Variants in NTM observed in about 807,000 individuals in gnomAD.
The protein encoded by NTM is IgLON family member 2.
NTM carries 13 observed loss-of-function variants against 42.1 expected under a neutral mutation model. That is an observed-to-expected ratio of 0.31 (90% CI 0.20 to 0.49). NTM has a LOEUF of 0.49. Ranked by LOEUF, NTM falls within the 20% of genes least tolerant of loss-of-function variation. The pLI is 0.99. For synonymous variants in NTM, 187 were observed against 179.2 expected (o/e 1.04, Z -0.35); for missense variants, 373 against 452.8 (o/e 0.82, Z 1.60).
chr11:131,952,883 T>G (rs751347970), intron 2 of NTM, among the ~76,000 whole-genome samples: 1 of 152,202 alleles, frequency 6.6e-6, no homozygotes, highest in Non-Finnish European at 1.5e-5. Flanking sequence ...TCTATCATGA[T>G]AGGCCTTGAT....
At chr11:131,379,678 A>G (rs1025056705) in intron 1 of NTM, among the ~76,000 whole-genome samples, 11 of 152,340 alleles carry the variant, frequency 7.2e-5, no homozygotes, top group Middle Eastern at 3.4e-3. Context: ...ACCTAATTCT[A>G]CTACCCACAG....
intron 4 of NTM, among the ~76,000 whole-genome samples, chr11:132,242,026 A>G (rs193098636): frequency 1.3e-5 from 2 of 152,298 alleles, no homozygotes; most frequent in Admixed American, 6.5e-5. Flanking sequence ...CCTTTGCTCA[A>G]TTGTACTTTG....
chr11:132,277,304 C>A (rs924175295), intron 4 of NTM, among the ~76,000 whole-genome samples: 1 of 152,020 alleles, frequency 6.6e-6, no homozygotes, highest in Non-Finnish European at 1.5e-5. Context: ...AATGACTTTG[C>A]CTTGACTGGA....
At position 132,095,003 on chromosome 11, in the gene NTM, G is replaced by A. The variant is rs564348900; in HGVS notation, c.168-51279G>A. ...CTGTAGTGACAGCTCCATCATTGCA[G>A]GGAGAGGACAAACAGAGATGGAGAC... On this transcript the variant is annotated intron_variant, in intron 2 of 8. Transcript: ENST00000683400. 1.4e-4 allele frequency among the ~76,000 whole-genome samples: 21 copies of A among 152,328 alleles called. 1 individual carries two copies. In the South Asian group the frequency reaches 4.1e-3, roughly 30 times the overall value.
chr11:131,977,325 C>T (rs982764989), intron 2 of NTM, among the ~76,000 whole-genome samples: 2 of 152,244 alleles, frequency 1.3e-5, no homozygotes, highest in African/African-American at 4.8e-5. Flanking sequence ...CCAAATTTCC[C>T]AAGAGCGTCT....
chr11:131,398,402 T>C (rs1017722177), intron 1 of NTM, among the ~76,000 whole-genome samples: 2 of 152,200 alleles, frequency 1.3e-5, no homozygotes, highest in African/African-American at 4.8e-5. Context: ...ATTTAATGTA[T>C]TTTTTTCTAA....
intron 2 of NTM, among the ~76,000 whole-genome samples, chr11:131,918,743 C>T (rs1211195164): frequency 6.6e-6 from 1 of 152,078 alleles, no homozygotes; most frequent in Non-Finnish European, 1.5e-5. Context: ...CACAGGAATC[C>T]CCTCTCCTGA....
At chr11:131,946,015 G>C (rs1348524165) in intron 2 of NTM, among the ~76,000 whole-genome samples, 1 of 152,138 alleles carries the variant, frequency 6.6e-6, no homozygotes, top group East Asian at 1.9e-4. Flanking sequence ...TAATGAACTG[G>C]GGTTAGTTAC....
At chr11:131,773,260 A>G (rs1170872881) in intron 1 of NTM, among the ~76,000 whole-genome samples, 1 of 152,142 alleles carries the variant, frequency 6.6e-6, no homozygotes, top group East Asian at 1.9e-4. Context: ...GGGGCAAAAA[A>G]GGGCCAAGCA....
At chr11:132,081,956 A>G (rs1197888871) in intron 2 of NTM, among the ~76,000 whole-genome samples, 1 of 148,156 alleles carries the variant, frequency 6.7e-6, no homozygotes, top group East Asian at 1.9e-4. Flanking sequence ...ATTTATATAT[A>G]TATATATAGT....
Position 131,710,247 on chromosome 11 carries a change from C to T in NTM, c.83-201317C>T, listed in dbSNP as rs150733702. Among the ~76,000 whole-genome samples the T allele has an allele frequency of 8.9e-3, 1,362 of 152,266 alleles. 24 individuals are homozygous for T. Among genetic ancestry groups the T allele is most frequent in the African/African-American group, 0.027 (1,114 of 41,562 alleles). The stretch of plus-strand genomic sequence containing the variant: ...GCTTTCCCTAGATCACTCTTGTCAG[C>T]GTACAAATATTCTACAATTTCTCTT... On this transcript the variant is annotated intron_variant, in intron 1 of 8. Coordinates refer to ENST00000683400, the MANE Select transcript of NTM (RefSeq NM_001352005.2).
chr11:131,639,591 AC>A (rs1440358669), intron 1 of NTM, among the ~76,000 whole-genome samples: 1 of 152,152 alleles, frequency 6.6e-6, no homozygotes, highest in African/African-American at 2.4e-5. Context: ...CTGAAGCACA[AC>A]CGTTGCCTCT....
At chr11:132,041,152 C>T (rs1299230371) in intron 2 of NTM, among the ~76,000 whole-genome samples, 1 of 151,796 alleles carries the variant, frequency 6.6e-6, no homozygotes, top group Non-Finnish European at 1.5e-5. Flanking sequence ...ACACGTATCA[C>T]CTGTACCTTT....
At chr11:131,521,139 A>G (rs2049600674) in intron 1 of NTM, among the ~76,000 whole-genome samples, 1 of 151,770 alleles carries the variant, frequency 6.6e-6, no homozygotes, top group Non-Finnish European at 1.5e-5. Flanking sequence ...CCTGGCCAAT[A>G]TGGTGAAACC....
At chr11:132,133,941 T>C (rs1395021668) in intron 2 of NTM, among the ~76,000 whole-genome samples, 2 of 152,222 alleles carry the variant, frequency 1.3e-5, no homozygotes, top group South Asian at 2.1e-4. Flanking sequence ...CTCGGTGTTC[T>C]CTCTCTGCTC....
intron 1 of NTM, among the ~76,000 whole-genome samples, chr11:131,702,753 G>A (rs921900669): frequency 1.3e-5 from 2 of 152,186 alleles, no homozygotes; most frequent in African/African-American, 4.8e-5. Flanking sequence ...AGAGAATAAT[G>A]TTGATTTTTA....
intron 2 of NTM, among the ~76,000 whole-genome samples, chr11:132,077,518 C>A (rs2058519263): frequency 6.6e-6 from 1 of 152,110 alleles, no homozygotes; most frequent in Non-Finnish European, 1.5e-5. Flanking sequence ...CCCCCACTAT[C>A]TAACCCCCAT....
intron 4 of NTM, among the ~76,000 whole-genome samples, chr11:132,297,385 C>T (rs2094651691): frequency 6.6e-6 from 1 of 152,164 alleles, no homozygotes; most frequent in African/African-American, 2.4e-5. Flanking sequence ...GAGGATGCTG[C>T]TTGCAAAGGG....
intron 2 of NTM, among the ~76,000 whole-genome samples, chr11:132,058,992 T>A (rs1329116810): frequency 1.3e-5 from 2 of 152,254 alleles, no homozygotes; most frequent in African/African-American, 2.4e-5. Context: ...GTATCAAGCG[T>A]GCAAACTCTG....
Sources: allele counts gnomAD v4.1 joint callset (sites outside exome capture counted in the v4.1 genomes callset), GRCh38; gene constraint gnomAD v4.1.1; transcripts MANE v1.5; gene names NCBI Gene and HGNC (gene_info 2026-07-23, HGNC 2026-07-21).